Variants in THBS4 observed in about 807,000 individuals in gnomAD.
THBS4 encodes thrombospondin-4.
Under a neutral mutation model 115.7 loss-of-function variants are expected in THBS4, and 90 were observed. The observed-to-expected ratio is 0.78, with a 90% confidence interval of 0.66 to 0.93. The LOEUF is 0.93. Among genes scored for constraint, THBS4 ranks in the 40% least tolerant of loss-of-function variants. THBS4 has a pLI of 0.00. For synonymous variants in THBS4, 460 were observed against 479.3 expected (o/e 0.96, Z 0.53); for missense variants, 1,087 against 1,232.7 (o/e 0.88, Z 1.77).
intron 3 of THBS4, among the ~76,000 whole-genome samples, chr5:80,057,858 C>T (rs1245759502): frequency 6.6e-6 from 1 of 152,152 alleles, no homozygotes; most frequent in Non-Finnish European, 1.5e-5. Flanking sequence ...GGGGTTAACA[C>T]CTTATTTATT....
At chr5:80,082,620 C>A in intron 21 of THBS4, 75 bp downstream of exon 21, 1 of 1,558,646 alleles carries the variant, frequency 6.4e-7, no homozygotes, top group Admixed American at 1.7e-5. Context: ...TTTTATACCG[C>A]ACTTCCCCCC....
intron 3 of THBS4, among the ~76,000 whole-genome samples, chr5:80,057,404 A>G (rs1833467659): frequency 6.6e-6 from 1 of 152,208 alleles, no homozygotes; most frequent in South Asian, 2.1e-4. Flanking sequence ...GGCACATTCT[A>G]GGCATTAGTG....
At chr5:80,025,545 G>A (rs1483701712) in intron 2 of THBS4, among the ~76,000 whole-genome samples, 8 of 152,188 alleles carry the variant, frequency 5.3e-5, no homozygotes, top group African/African-American at 1.9e-4. Context: ...CCACTGGAAA[G>A]GCACTAGAAA....
At position 80,061,800 on chromosome 5, in the gene THBS4, G is replaced by T; in HGVS notation, c.1093G>T (p.Val365Phe). 6.2e-7 allele frequency: 1 copy of T among 1,612,788 alleles called. No homozygotes were observed. The highest frequency in any genetic ancestry group is 8.5e-7 in the Non-Finnish European group (1 of 1,179,628). The change falls in exon 8 of 22, where the codon GTT becomes TTT. Residue 365 changes from valine to phenylalanine, a missense_variant. Coordinates refer to ENST00000350881, the MANE Select transcript of THBS4 (RefSeq NM_003248.6). ...VGFTGPMVQG[V>F]GISFAKSNKQ... ...CTTCACAGGGCCCATGGTGCAGGGTGTTGGGATCAGTTTTGCCAAGTCAAA... is the reference window on the plus strand; with the variant it reads ...CTTCACAGGGCCCATGGTGCAGGGTTTTGGGATCAGTTTTGCCAAGTCAAA...
chr5:80,044,733 A>T (rs1561306559), intron 2 of THBS4, among the ~76,000 whole-genome samples: 1 of 149,306 alleles, frequency 6.7e-6, no homozygotes, highest in Admixed American at 6.7e-5. Context: ...CCAAAAAAAG[A>T]TTTTTTTTTT....
At chr5:80,070,241 T>C in intron 10 of THBS4, 65 bp from the exon 11 acceptor site, 7 of 1,410,144 alleles carry the variant, frequency 5.0e-6, no homozygotes, top group Non-Finnish European at 6.8e-6. Flanking sequence ...AGAGAGGCCC[T>C]TGTCAGCCAC....
At chr5:80,070,075 A>C (rs1311804244) in intron 10 of THBS4, among the ~76,000 whole-genome samples, 1 of 151,938 alleles carries the variant, frequency 6.6e-6, no homozygotes, top group East Asian at 1.9e-4. Context: ...TGTTCCTGGA[A>C]GTGGGAGTGG....
intron 10 of THBS4, among the ~76,000 whole-genome samples, chr5:80,069,966 T>C (rs185817608): frequency 1.4e-4 from 21 of 152,288 alleles, no homozygotes; most frequent in African/African-American, 5.1e-4. Context: ...TCTTCCTTCC[T>C]TTACCTCCCG....
intron 2 of THBS4, among the ~76,000 whole-genome samples, chr5:80,014,270 C>T (rs941936744): frequency 2.6e-5 from 4 of 152,184 alleles, no homozygotes; most frequent in Non-Finnish European, 5.9e-5. Context: ...TCAGAGGATA[C>T]TCAATGGATG....
chr5:79,994,483 C>G (rs117215830), intron 1 of THBS4, among the ~76,000 whole-genome samples: 3 of 152,090 alleles, frequency 2.0e-5, no homozygotes, highest in Non-Finnish European at 2.9e-5. Context: ...CACCATTAAA[C>G]GAATTCATTA....
chr5:80,077,120 C>G (rs900910505), intron 16 of THBS4, 72 bp downstream of exon 16: 1 of 1,389,772 alleles, frequency 7.2e-7, no homozygotes, highest in Non-Finnish European at 9.7e-7. Context: ...GGGCACGCCT[C>G]TCTCCAGGCA....
rs184572557 is a variant in THBS4 at position 80,012,898 on chromosome 5, C to T, written n.177+14471C>T. On this transcript the variant is annotated intron_variant and non_coding_transcript_variant, in intron 2 of 3. Coordinates refer to the THBS4 transcript ENST00000510218. ...ACCCCTACTGACTGGGGCTGTCACA[C>T]GAGGTCCCACTTGGCCCCGTCTTGG... 2.9e-3 allele frequency among the ~76,000 whole-genome samples: 443 copies of T among 152,326 alleles called. 1 individual carries two copies. The highest frequency in any genetic ancestry group is 5.1e-3 in the Non-Finnish European group (348 of 68,028).
intron 2 of THBS4, among the ~76,000 whole-genome samples, chr5:80,018,312 C>G (rs781329462): frequency 6.6e-6 from 1 of 151,484 alleles, no homozygotes; most frequent in Admixed American, 6.6e-5. Context: ...CTCTTTGTGT[C>G]CAGTCTGCTG....
intron 2 of THBS4, among the ~76,000 whole-genome samples, chr5:80,015,050 C>CTT (rs1832220165): frequency 6.6e-6 from 1 of 152,236 alleles, no homozygotes; most frequent in Non-Finnish European, 1.5e-5. Context: ...TTGGAAATGT[C>CTT]ACCATTCTGG....
chr5:80,051,609 G>C (rs892615304), intron 2 of THBS4, among the ~76,000 whole-genome samples: 8 of 152,142 alleles, frequency 5.3e-5, no homozygotes, highest in African/African-American at 1.9e-4. Flanking sequence ...CAGAAGTACA[G>C]AATCCACTTA....
At position 80,035,913 on chromosome 5, in the gene THBS4, C is replaced by A. The variant is rs557693869; in HGVS notation, c.88+288C>A. The A allele has an allele frequency of 5.1e-6, 5 of 976,778 alleles. No individual in the cohort carries two copies. The East Asian group carries it at 1.9e-4, about 37-fold the overall frequency. 60.5% of individuals were successfully genotyped at this position (976,778 alleles called of 1,614,324 possible). On this transcript the variant is annotated intron_variant, in intron 1 of 21. Transcript: ENST00000350881. The surrounding 1 kb of genome is among the most constrained non-coding windows in gnomAD (Gnocchi z 4.6). ...GGGGTTGCCTTCAAAACTTGCTACACGGTCCTAGACCTCTTAACATGTTAG... is the reference window on the plus strand; with the variant it reads ...GGGGTTGCCTTCAAAACTTGCTACAAGGTCCTAGACCTCTTAACATGTTAG...
At chr5:80,081,741 A>T (rs1743517053) in intron 20 of THBS4, among the ~76,000 whole-genome samples, 2 of 152,230 alleles carry the variant, frequency 1.3e-5, no homozygotes, top group South Asian at 4.1e-4. Context: ...GTCAGGTTCT[A>T]GGCCCTGATA....
chr5:80,023,866 C>T (rs925242816), intron 2 of THBS4, among the ~76,000 whole-genome samples: 2 of 152,010 alleles, frequency 1.3e-5, no homozygotes, highest in African/African-American at 2.4e-5. Flanking sequence ...TTTCTCACAA[C>T]CCATCCCATT....
rs750248295 is a variant in THBS4, at chr5:80,070,632, T to G, written c.1453-11T>G. 6.2e-6 allele frequency: 10 copies of G among 1,613,092 alleles called. No individual in the cohort carries two copies. The highest frequency in any genetic ancestry group is 1.7e-5 in the Admixed American group (1 of 59,998). On this transcript the variant is annotated splice_polypyrimidine_tract_variant and intron_variant, in intron 11 of 21. Transcript: ENST00000350881. ...GTAGGATGTCACTCGGAACTGCATT[T>G]TCCCCCTAAGGACAACTGCAAATAT... is the stretch of plus-strand genomic sequence containing the variant.
Sources: gnomAD v4.1 joint callset for allele counts (sites outside exome capture counted in the v4.1 genomes callset) on GRCh38, gnomAD v4.1.1 for gene constraint, Gnocchi (gnomAD v3.1) non-coding constraint, MANE v1.5 for transcripts, NCBI Gene and HGNC (gene_info 2026-07-23, HGNC 2026-07-21) for gene names.